RAB40C: variants seen among roughly 807,000 people sequenced by gnomAD.
RAB40C encodes ras-related protein Rab-40C.
Under a neutral mutation model 28.1 loss-of-function variants are expected in RAB40C, and 8 were observed. That is an observed-to-expected ratio of 0.28 (90% CI 0.17 to 0.51). The LOEUF is 0.51. Among genes scored for constraint, RAB40C ranks in the 20% least tolerant of loss-of-function variants. The pLI, the probability that RAB40C is intolerant of heterozygous loss-of-function variation, is 0.97. For synonymous variants in RAB40C, 201 were observed against 171.7 expected, an observed-to-expected ratio of 1.17 and a Z score of -1.34; for missense variants, 288 against 405.9, an observed-to-expected ratio of 0.71 and a Z score of 2.50.
intron 3 of RAB40C, chr16:625,132 G>A (rs1205788161): frequency 3.7e-6 from 5 of 1,347,498 alleles, no homozygotes; most frequent in South Asian, 2.5e-5. Flanking sequence ...CCAGAACCCC[G>A]CATCTGCCTG....
chr16:615,876 C>T (rs891192210), intron 1 of RAB40C, among the ~76,000 whole-genome samples: 2 of 151,976 alleles, frequency 1.3e-5, no homozygotes, highest in Non-Finnish European at 1.5e-5. Context: ...GCAGGAGAAT[C>T]GCTTGAACCC....
intron 1 of RAB40C, among the ~76,000 whole-genome samples, chr16:595,839 G>T (rs1173257555): frequency 6.6e-6 from 1 of 152,142 alleles, no homozygotes; most frequent in Non-Finnish European, 1.5e-5. Flanking sequence ...CTGACCTTGT[G>T]ATCCACCCTC....
Position 614,923 on chromosome 16 carries a change from CTGATG to C in RAB40C, c.143-2284_143-2280del, listed in dbSNP as rs900365902. On this transcript the variant is annotated intron_variant, in intron 1 of 5. Transcript: ENST00000248139. ...GTGAACTGCCTAACTCTACCGCATC[CTGATG>C]AACTGCTTAATGGCGTTGTCCCTGG... Among the ~76,000 whole-genome samples, 8 of 152,254 alleles carry C rather than the reference CTGATG, an allele frequency of 5.3e-5. 1 individual carries two copies. Among genetic ancestry groups the C allele is most frequent in the Admixed American group, 4.6e-4 (7 of 15,286 alleles).
intron 1 of RAB40C, among the ~76,000 whole-genome samples, chr16:614,481 T>C (rs1415342313): frequency 7.0e-6 from 1 of 143,186 alleles, no homozygotes; most frequent in African/African-American, 2.6e-5. Flanking sequence ...GGTGAACTGC[T>C]AACTCTGCCG....
At chr16:595,448 G>T (rs968890793) in intron 1 of RAB40C, among the ~76,000 whole-genome samples, 3 of 152,172 alleles carry the variant, frequency 2.0e-5, no homozygotes, top group African/African-American at 7.2e-5. Flanking sequence ...GGGGACGGCT[G>T]CCACACACCT....
At chr16:597,804 T>C (rs1355941171) in intron 1 of RAB40C, among the ~76,000 whole-genome samples, 5 of 151,234 alleles carry the variant, frequency 3.3e-5, no homozygotes, top group Admixed American at 2.0e-4. Flanking sequence ...TCAGCATCTT[T>C]GGAAAAGAGC....
At chr16:625,653 G>A (rs2036814257) in intron 4 of RAB40C, 144 bp downstream of exon 4, 2 of 952,558 alleles carry the variant, frequency 2.1e-6, no homozygotes, top group South Asian at 1.5e-5. Context: ...CTACGCCTGG[G>A]CATGCTGGTC....
chr16:614,905 G>A (rs1196715000), intron 1 of RAB40C, among the ~76,000 whole-genome samples: 1 of 152,254 alleles, frequency 6.6e-6, no homozygotes. Context: ...ATAGTGAACT[G>A]CCTAACTCTA....
intron 1 of RAB40C, among the ~76,000 whole-genome samples, chr16:607,552 G>A (rs12922012): frequency 6.7e-6 from 1 of 150,094 alleles, no homozygotes; most frequent in Admixed American, 6.6e-5. Flanking sequence ...GCCTGTAATC[G>A]CAGCACTTTG....
intron 1 of RAB40C, among the ~76,000 whole-genome samples, chr16:603,079 TG>T (rs1156579607): frequency 6.6e-5 from 10 of 152,358 alleles, no homozygotes; most frequent in Admixed American, 3.3e-4. Flanking sequence ...CCTGAGTAGC[TG>T]GGGCCAGACC....
intron 1 of RAB40C, among the ~76,000 whole-genome samples, chr16:591,592 C>T (rs921164770): frequency 4.0e-5 from 6 of 151,046 alleles, no homozygotes; most frequent in South Asian, 2.1e-4. Context: ...CTTTTCTTTT[C>T]TTTCTTTTTT....
At chr16:606,866 A>G (rs984914997) in intron 1 of RAB40C, among the ~76,000 whole-genome samples, 1 of 152,136 alleles carries the variant, frequency 6.6e-6, no homozygotes, top group Admixed American at 6.6e-5. Flanking sequence ...AATCCCGGAT[A>G]ATCTCCCACC....
chr16:625,085 G>A, intron 3 of RAB40C: 1 of 1,293,454 alleles, frequency 7.7e-7, no homozygotes, highest in Non-Finnish European at 1.0e-6. Flanking sequence ...CTGGCCGAGA[G>A]GACACTTAGC....
At chr16:598,420 G>C (rs888794151) in intron 1 of RAB40C, among the ~76,000 whole-genome samples, 4 of 151,216 alleles carry the variant, frequency 2.6e-5, no homozygotes, top group African/African-American at 9.7e-5. Flanking sequence ...AATTAGCCGG[G>C]CGTGGTGGCG....
rs2035957741 is a variant in RAB40C, at chr16:590,135, G to C, written c.-157G>C. ...CGAGGCTGAGGTGCGCCCGGGCGCG[G>C]GCGGGGCGGGGCCGGCGCTGGGCTT... is the stretch of plus-strand genomic sequence containing the variant. On this transcript the variant is annotated 5_prime_UTR_variant, in exon 1 of 6. Coordinates refer to ENST00000248139, the MANE Select transcript of RAB40C (RefSeq NM_021168.5). 6.9e-6 allele frequency: 2 copies of C among 290,134 alleles called. No homozygotes were observed. Among genetic ancestry groups the C allele is most frequent in the Admixed American group, 1.3e-4 (2 of 14,866 alleles). The allele number at this position is 290,134 out of a possible 1,614,324, so 18.0% of individuals were successfully genotyped here. A position where few individuals can be genotyped will look rare whatever the true frequency, so the allele number is the denominator to read the frequency against.
intron 5 of RAB40C, among the ~76,000 whole-genome samples, chr16:626,557 G>A (rs1266663719): frequency 6.6e-6 from 1 of 152,212 alleles, no homozygotes; most frequent in African/African-American, 2.4e-5. Context: ...CCCTCAGGGA[G>A]GTGGTACTGT....
intron 5 of RAB40C, among the ~76,000 whole-genome samples, chr16:626,785 A>C (rs1323160415): frequency 6.6e-6 from 1 of 152,164 alleles, no homozygotes; most frequent in Admixed American, 6.5e-5. Flanking sequence ...TAAAAATACA[A>C]AAATTAACCG....
intron 1 of RAB40C, among the ~76,000 whole-genome samples, chr16:605,390 C>G (rs2036338248): frequency 6.6e-6 from 1 of 152,208 alleles, no homozygotes; most frequent in South Asian, 2.1e-4. Context: ...AAAAAAACCC[C>G]TTTAAAGTCT....
chr16:593,160 A>G (rs2036038613), intron 1 of RAB40C, among the ~76,000 whole-genome samples: 1 of 151,362 alleles, frequency 6.6e-6, no homozygotes, highest in Non-Finnish European at 1.5e-5. Context: ...CGTGCACAGC[A>G]CAAGGAGCAG....
Sources: allele counts gnomAD v4.1 joint callset (sites outside exome capture counted in the v4.1 genomes callset), GRCh38; gene constraint gnomAD v4.1.1; transcripts MANE v1.5; gene names NCBI Gene and HGNC (gene_info 2026-07-23, HGNC 2026-07-21).